The following SLC44A1 variants were observed in gnomAD, a reference collection of about 807,000 sequenced individuals.
SLC44A1 encodes the protein choline transporter-like protein 1.
A neutral mutation model predicts 79.3 loss-of-function variants in SLC44A1; 26 were observed. The observed-to-expected ratio is 0.33, with a 90% CI of 0.24 to 0.46. The LOEUF (loss-of-function observed/expected upper bound fraction) is 0.46, where lower values mean the gene tolerates loss of function less well. SLC44A1 is among the 20% of genes least tolerant of loss of function. SLC44A1 has a pLI of 1.00. For missense variants in SLC44A1, 688 were observed against 798.1 expected (o/e 0.86, Z 1.66); for synonymous variants, 263 against 286.2 (o/e 0.92, Z 0.82).
intron 1 of SLC44A1, among the ~76,000 whole-genome samples, chr9:105,250,615 A>G (rs937485712): frequency 6.6e-6 from 1 of 152,242 alleles, no homozygotes; most frequent in Non-Finnish European, 1.5e-5. Context: ...ATGTAGAGAT[A>G]TGAAGTAGAC....
chr9:105,393,734 T>G lies in SLC44A1; in HGVS notation c.*4678T>G. 1 of 985,040 alleles carries G rather than the reference T, an allele frequency of 1.0e-6. No individual in the cohort carries two copies. Among genetic ancestry groups the G allele is most frequent in the Non-Finnish European group, 1.2e-6 (1 of 829,558 alleles). 61.0% of individuals were successfully genotyped at this position (985,040 alleles called of 1,614,324 possible). ...CTTTGTAAATTATATGGACAGAATG[T>G]GTTCTAAGGAAATTCGTTAGTAAAT... On this transcript the variant is annotated 3_prime_UTR_variant, in exon 16 of 16. Coordinates refer to ENST00000374720, the MANE Select transcript of SLC44A1 (RefSeq NM_080546.5).
At chr9:105,344,599 A>G (rs550034057) in intron 4 of SLC44A1, among the ~76,000 whole-genome samples, 2 of 152,354 alleles carry the variant, frequency 1.3e-5, no homozygotes, top group African/African-American at 4.8e-5. Context: ...TGTATATAAC[A>G]TATAACACCA....
chr9:105,245,871 A>G (rs781271779), intron 1 of SLC44A1, among the ~76,000 whole-genome samples: 50 of 152,362 alleles, frequency 3.3e-4, no homozygotes, highest in Admixed American at 1.0e-3. Flanking sequence ...GAACTCGACT[A>G]CTGGCCACTA....
intron 1 of SLC44A1, among the ~76,000 whole-genome samples, chr9:105,285,796 G>A (rs1442160740): frequency 6.6e-6 from 1 of 152,188 alleles, no homozygotes; most frequent in Non-Finnish European, 1.5e-5. Context: ...ATCAGTTAAG[G>A]CTATTGTCAC....
intron 15 of SLC44A1, among the ~76,000 whole-genome samples, chr9:105,404,759 A>G (rs555783862): frequency 3.3e-5 from 5 of 152,338 alleles, no homozygotes; most frequent in East Asian, 3.9e-4. Context: ...GTTTGGCACT[A>G]TGGATATAGA....
chr9:105,370,382 T>C (rs943043015), intron 12 of SLC44A1, among the ~76,000 whole-genome samples: 1 of 152,188 alleles, frequency 6.6e-6, no homozygotes, highest in South Asian at 2.1e-4. Flanking sequence ...TTTTTTTCAG[T>C]TGGGTTGAAT....
chr9:105,372,738 C>G (rs1419279109), intron 12 of SLC44A1, among the ~76,000 whole-genome samples: 1 of 147,074 alleles, frequency 6.8e-6, no homozygotes, highest in Non-Finnish European at 1.5e-5. Context: ...ATCACGAGGT[C>G]AGGAGATCGA....
At chr9:105,299,197 T>C in intron 1 of SLC44A1, 23 bp from the exon 2 acceptor site, 1 of 1,556,176 alleles carries the variant, frequency 6.4e-7, no homozygotes, top group Non-Finnish European at 8.8e-7. Flanking sequence ...TTTAACACTC[T>C]CTTATTTTGT....
intron 4 of SLC44A1, among the ~76,000 whole-genome samples, chr9:105,342,858 TTCC>T (rs1178967765): frequency 2.6e-5 from 4 of 152,072 alleles, no homozygotes; most frequent in Non-Finnish European, 5.9e-5. Flanking sequence ...GAGCACAATC[TTCC>T]AAGTGTAGTG....
At chr9:105,367,711 A>C (rs1827982503) in intron 12 of SLC44A1, among the ~76,000 whole-genome samples, 1 of 152,056 alleles carries the variant, frequency 6.6e-6, no homozygotes, top group Non-Finnish European at 1.5e-5. Flanking sequence ...ACTAGTTCCT[A>C]CTGAACCTTA....
intron 4 of SLC44A1, among the ~76,000 whole-genome samples, chr9:105,344,963 G>T (rs967229614): frequency 2.6e-5 from 4 of 152,164 alleles, no homozygotes; most frequent in Non-Finnish European, 4.4e-5. Flanking sequence ...CAAGCAGAGG[G>T]AACAGCATGT....
At position 105,391,954 on chromosome 9, in the gene SLC44A1, A is replaced by C; in HGVS notation, c.*2898A>C. 3 of 985,364 alleles carry C rather than the reference A, an allele frequency of 3.0e-6. No individual in the cohort carries two copies. Among genetic ancestry groups the C allele is most frequent in the Non-Finnish European group, 3.6e-6 (3 of 829,908 alleles). 61.0% of individuals were successfully genotyped at this position (985,364 alleles called of 1,614,324 possible). Reference sequence around the variant, plus strand: ...TGACCAGAGTATCGTGGTTTTTGCCATCAGATAATTAAGGCTCTGGTGCAT... The same window carrying C: ...TGACCAGAGTATCGTGGTTTTTGCCCTCAGATAATTAAGGCTCTGGTGCAT... On this transcript the variant is annotated 3_prime_UTR_variant, in exon 16 of 16. Coordinates refer to ENST00000374720, the MANE Select transcript of SLC44A1 (RefSeq NM_080546.5).
intron 1 of SLC44A1, among the ~76,000 whole-genome samples, chr9:105,284,228 C>CTTT (rs34449378): frequency 7.6e-6 from 1 of 132,140 alleles, no homozygotes; most frequent in African/African-American, 2.8e-5. Context: ...CAAATACAGT[C>CTTT]TTTTTTTTTT....
Position 105,323,160 on chromosome 9 carries a change from G to C in SLC44A1, c.270-12403G>C, listed in dbSNP as rs370234938. Among the ~76,000 whole-genome samples the C allele has an allele frequency of 3.8e-3, 553 of 144,890 alleles. 4 individuals carry two copies. Among genetic ancestry groups the C allele is most frequent in the African/African-American group, 0.013 (532 of 39,462 alleles). On this transcript the variant is annotated intron_variant, in intron 3 of 15. Coordinates refer to ENST00000374720, the MANE Select transcript of SLC44A1 (RefSeq NM_080546.5). Reference sequence around the variant, plus strand: ...GAACCCAGGAGGCAGAGGTTGCAGTGAGCCGAGATCATGCCATTGCACTAC... The same window carrying C: ...GAACCCAGGAGGCAGAGGTTGCAGTCAGCCGAGATCATGCCATTGCACTAC...
In SLC44A1 at chr9:105,392,875, T is replaced by C; in HGVS notation, c.*3819T>C. 4 of 985,368 alleles carry C rather than the reference T, an allele frequency of 4.1e-6. No individual in the cohort carries two copies. Among genetic ancestry groups the C allele is most frequent in the Non-Finnish European group, 4.8e-6 (4 of 829,838 alleles). The allele number at this position is 985,368 out of a possible 1,614,324, so 61.0% of individuals were successfully genotyped here. A position where few individuals can be genotyped will look rare whatever the true frequency, so the allele number is the denominator to read the frequency against. ...ACTTTCCAATAGCCTTAACATGGCCTCTGAGAAGTTTCCTCCAGAAAGGTC... is the reference window on the plus strand; with the variant it reads ...ACTTTCCAATAGCCTTAACATGGCCCCTGAGAAGTTTCCTCCAGAAAGGTC... On this transcript the variant is annotated 3_prime_UTR_variant, in exon 16 of 16. Coordinates refer to ENST00000374720, the MANE Select transcript of SLC44A1 (RefSeq NM_080546.5).
intron 5 of SLC44A1, among the ~76,000 whole-genome samples, chr9:105,352,413 T>G (rs188039728): frequency 6.6e-6 from 1 of 152,312 alleles, no homozygotes; most frequent in Non-Finnish European, 1.5e-5. Context: ...TGTGATGATC[T>G]GAACTTAAAG....
chr9:105,362,525 G>A (rs529007430), intron 8 of SLC44A1, among the ~76,000 whole-genome samples: 2 of 152,028 alleles, frequency 1.3e-5, no homozygotes, highest in East Asian at 3.9e-4. Flanking sequence ...GTCTCATCCT[G>A]ACTGACAGTA....
At chr9:105,323,790 G>T (rs1160962150) in intron 3 of SLC44A1, among the ~76,000 whole-genome samples, 4 of 152,104 alleles carry the variant, frequency 2.6e-5, no homozygotes, top group Admixed American at 6.5e-5. Context: ...GGCTTTCAGG[G>T]TTCCGTTTTT....
At chr9:105,313,615 G>A in intron 3 of SLC44A1, among the ~76,000 whole-genome samples, 1 of 152,018 alleles carries the variant, frequency 6.6e-6, no homozygotes, top group African/African-American at 2.4e-5. Context: ...GATCAGGGTG[G>A]TAGTAATATA....
Sources: gnomAD v4.1 joint callset for allele counts (sites outside exome capture counted in the v4.1 genomes callset) on GRCh38, gnomAD v4.1.1 for gene constraint, MANE v1.5 for transcripts, NCBI Gene and HGNC (gene_info 2026-07-23, HGNC 2026-07-21) for gene names.